WDR87: variants seen among roughly 807,000 people sequenced by gnomAD.
The protein encoded by WDR87 is WD repeat-containing protein 87.
In WDR87, 56 loss-of-function variants were observed where a neutral mutation model predicts 83.3. The ratio of observed to expected loss-of-function variants is 0.67; its 90% CI spans 0.54 to 0.84. The LOEUF (loss-of-function observed/expected upper bound fraction) is 0.84, where lower values mean the gene tolerates loss of function less well. WDR87 is among the 40% of genes least tolerant of loss of function. WDR87 has a pLI of 0.00. For synonymous variants in WDR87, 1,173 were observed against 1,250.6 expected, an observed-to-expected ratio of 0.94 and a Z score of 1.31; for missense variants, 2,939 against 3,431.9, an observed-to-expected ratio of 0.86 and a Z score of 3.59.
At position 37,890,085 on chromosome 19, in the gene WDR87, C is replaced by A. The variant is rs1362268741; in HGVS notation, c.3586G>T (p.Glu1196Ter). The change falls in exon 6 of 6, where the codon GAG becomes TAG. Residue 1196 changes from glutamate (E) to a stop codon, truncating the protein, a stop_gained. Coordinates refer to ENST00000447313, the MANE Select transcript of WDR87 (RefSeq NM_001291088.2). LOFTEE classifies it low-confidence loss of function (END_TRUNC). ...IKLSKDVDSQ[E>*]KDISKDHIAL... ...ATGTGATCCTTCGAGATATCTTTCT[C>A]TTGAGAATCAACATCTTTTGAGAGC... is the stretch of plus-strand genomic sequence containing the variant. 2.1e-5 allele frequency: 32 copies of A among 1,551,770 alleles called. No homozygotes were observed. The highest frequency in any genetic ancestry group is 2.8e-5 in the Non-Finnish European group (32 of 1,147,056).
intron 1 of WDR87, among the ~76,000 whole-genome samples, chr19:37,902,225 T>A: frequency 6.6e-6 from 1 of 151,732 alleles, no homozygotes; most frequent in East Asian, 1.9e-4. Flanking sequence ...TCCTTTTTTA[T>A]TTTTTTTGAG....
Position 37,888,018 on chromosome 19 carries a change from G to C in WDR87, c.5653C>G (p.Leu1885Val). 1 of 1,551,216 alleles carries C rather than the reference G, an allele frequency of 6.4e-7. No individual in the cohort carries two copies. Among genetic ancestry groups the C allele is most frequent in the Non-Finnish European group, 8.7e-7 (1 of 1,146,878 alleles). The change falls in exon 6 of 6, where the codon CTG (leucine) becomes GTG (valine). Residue 1885 changes from leucine to valine, a missense_variant. Physicochemically the swap from Leu to Val is conservative, Grantham distance 32. Coordinates refer to ENST00000447313, the MANE Select transcript of WDR87 (RefSeq NM_001291088.2). ...GCCAATTTTTCCTTCTCCTGGGCCA[G>C]ATTCTTCTTTTCCTGAGCCAGATTC... ...KKNLAQEKKNLAQEKEKLAQR... is the reference protein window; with the variant it reads ...KKNLAQEKKNVAQEKEKLAQR...
chr19:37,900,560 C>CAAAAAAAAAAAAAAAA (rs58946958), intron 1 of WDR87, among the ~76,000 whole-genome samples: 3 of 78,086 alleles, frequency 3.8e-5, no homozygotes, highest in East Asian at 4.2e-4. Context: ...GACTCCGTCT[C>CAAAAAAAAAAAAAAAA]AAAAAAAAAA....
chr19:37,893,712 G>T lies in WDR87; in HGVS notation c.1991C>A (p.Thr664Asn). The T allele has an allele frequency of 1.3e-6, 2 of 1,551,720 alleles. No individual in the cohort carries two copies. Among genetic ancestry groups the T allele is most frequent in the Non-Finnish European group, 1.7e-6 (2 of 1,147,056 alleles). Residue 664 changes from threonine (T) to asparagine (N), a missense_variant, in exon 4 of 6, where the codon ACT (threonine) becomes AAT (asparagine). Physicochemically the swap from Thr to Asn is moderately conservative, Grantham distance 65. Coordinates refer to ENST00000447313, the MANE Select transcript of WDR87 (RefSeq NM_001291088.2). ...CACTAGGTAAAGACTCTGGTTAAAA[G>T]TCACAAGCAGGTCACCCCGGTCATT... ...FANDRGDLLV[T>N]FNQSLYLVSC... is the part of the protein sequence containing the mutation.
Position 37,894,357 on chromosome 19 carries a change from AAG to A in WDR87, c.1344_1345del (p.Leu449ArgfsTer83). ...GTCCTGAGAATTTGGTGAGGTGCCTAAGAGATACTTGGCTGGGCAAGGGCAGC... is the reference window on the plus strand; with the variant it reads ...GTCCTGAGAATTTGGTGAGGTGCCTAAGATACTTGGCTGGGCAAGGGCAGC... On this transcript the variant is annotated frameshift_variant, in exon 4 of 6. Transcript: ENST00000447313. LOFTEE classifies it high-confidence loss of function. 1 of 1,551,752 alleles carries A rather than the reference AAG, an allele frequency of 6.4e-7. No homozygotes were observed. Among genetic ancestry groups the A allele is most frequent in the Non-Finnish European group, 8.7e-7 (1 of 1,147,010 alleles).
In WDR87 at chr19:37,893,335, G is replaced by A; in HGVS notation, c.2368C>T (p.Pro790Ser). Reference protein sequence around the residue: ...KRYQCHYVLPPQLQLTSWDGL... With the variant: ...KRYQCHYVLPSQLQLTSWDGL... Reference sequence around the variant, plus strand: ...TCCCAGCTAGTCAGTTGTAGCTGGGGAGGAAGCACATAATGGCATTGGTAA... The same window carrying A: ...TCCCAGCTAGTCAGTTGTAGCTGGGAAGGAAGCACATAATGGCATTGGTAA... The change falls in exon 4 of 6, where the codon CCC becomes TCC. Residue 790 changes from proline (P) to serine (S), a missense_variant. Physicochemically the swap from Pro to Ser is moderately conservative, Grantham distance 74. Transcript: ENST00000447313. The A allele has an allele frequency of 1.3e-6, 2 of 1,551,720 alleles. No homozygotes were observed. Among genetic ancestry groups the A allele is most frequent in the Non-Finnish European group, 1.7e-6 (2 of 1,146,900 alleles).
At position 37,890,246 on chromosome 19, in the gene WDR87, GTCT is replaced by G. The variant is rs1568451466; in HGVS notation, c.3422_3424del (p.Lys1141del). On this transcript the variant is annotated inframe_deletion, in exon 6 of 6. Transcript: ENST00000447313. ...CATCTGTTTAGAGTCTCTCTCTTTC[GTCT>G]TCTTGAGACCCCGCAACCATTTTTG... The G allele has an allele frequency of 1.3e-6, 2 of 1,539,654 alleles. No homozygotes were observed. Among genetic ancestry groups the G allele is most frequent in the Admixed American group, 4.0e-5 (2 of 49,482 alleles).
Position 37,886,682 on chromosome 19 carries a change from TTC to T in WDR87, c.6987_6988del (p.Lys2331GlyfsTer15). 7.0e-7 allele frequency: 1 copy of T among 1,421,872 alleles called. No individual in the cohort carries two copies. The highest frequency in any genetic ancestry group is 2.5e-5 in the East Asian group (1 of 39,784). 88.1% of individuals were successfully genotyped at this position (1,421,872 alleles called of 1,614,324 possible). A position where few individuals can be genotyped will look rare whatever the true frequency, so the allele number is the denominator to read the frequency against. On this transcript the variant is annotated frameshift_variant, in exon 6 of 6. Transcript: ENST00000447313. LOFTEE classifies it low-confidence loss of function (END_TRUNC). Reference sequence around the variant, plus strand: ...AACCTCCTCCTTCTTCTTTTCCTTTTTCTTCTTCTTCTTCTCCTCCTCTTCTT... The same window carrying T: ...AACCTCCTCCTTCTTCTTTTCCTTTTTTCTTCTTCTTCTCCTCCTCTTCTT...
intron 2 of WDR87, among the ~76,000 whole-genome samples, chr19:37,897,801 T>C (rs1328735015): frequency 6.6e-6 from 1 of 152,026 alleles, no homozygotes. Flanking sequence ...GGCAGGAGAA[T>C]TGCTTGAACC....
At chr19:37,902,174 T>C (rs369631829) in intron 1 of WDR87, among the ~76,000 whole-genome samples, 12 of 152,226 alleles carry the variant, frequency 7.9e-5, no homozygotes, top group African/African-American at 2.6e-4. Context: ...CTCCAGATGC[T>C]TTAATCCCAA....
chr19:37,888,189 C>A lies in WDR87; in HGVS notation c.5482G>T (p.Glu1828Ter). 1 of 1,552,020 alleles carries A rather than the reference C, an allele frequency of 6.4e-7. No individual in the cohort carries two copies. Among genetic ancestry groups the A allele is most frequent in the Non-Finnish European group, 8.7e-7 (1 of 1,147,084 alleles). ...QEKEKLAQHKEKMPEEEERLG... is the reference protein window; with the variant it reads ...QEKEKLAQHK ...CTTTCCTCTTCCTCAGGCATTTTTT[C>A]CTTGTGCTGGGCCAGTTTCTCCTTT... Residue 1828 changes from glutamate (E) to a stop codon, truncating the protein, a stop_gained, in exon 6 of 6, where the codon GAA (glutamate) becomes TAA (stop). Coordinates refer to ENST00000447313, the MANE Select transcript of WDR87 (RefSeq NM_001291088.2). LOFTEE classifies it low-confidence loss of function (END_TRUNC).
intron 1 of WDR87, among the ~76,000 whole-genome samples, chr19:37,903,510 A>G (rs1360851302): frequency 6.6e-6 from 1 of 152,162 alleles, no homozygotes; most frequent in East Asian, 1.9e-4. Flanking sequence ...GTAAAGTAGT[A>G]ACCAGGAGTT....
chr19:37,899,727 C>A (rs1568456714), intron 1 of WDR87, among the ~76,000 whole-genome samples: 1 of 152,176 alleles, frequency 6.6e-6, no homozygotes, highest in Non-Finnish European at 1.5e-5. Context: ...GGATTTCGGG[C>A]ATGAGCCACC....
chr19:37,905,082 A>C (rs2046315812), intron 1 of WDR87, among the ~76,000 whole-genome samples: 1 of 152,090 alleles, frequency 6.6e-6, no homozygotes, highest in African/African-American at 2.4e-5. Context: ...AAATACAAAA[A>C]TTAGCTGGGT....
chr19:37,887,274 C>A lies in WDR87; in HGVS notation c.6397G>T (p.Glu2133Ter). 1 of 1,551,414 alleles carries A rather than the reference C, an allele frequency of 6.4e-7. No individual in the cohort carries two copies. The highest frequency in any genetic ancestry group is 1.4e-5 in the African/African-American group (1 of 73,080). Residue 2133 changes from glutamate (E) to a stop codon, truncating the protein, a stop_gained, in exon 6 of 6, where the codon GAA becomes TAA. Transcript: ENST00000447313. LOFTEE classifies it low-confidence loss of function (END_TRUNC). Reference protein sequence around the residue: ...TRDERKLTQEEIKMTKMKRAL... With the variant: ...TRDERKLTQE ...CTCTTCATCTTTGTCATTTTTATTT[C>A]TTCCTGTGTTAGTTTCCTTTCATCC... is the stretch of plus-strand genomic sequence containing the variant.
Position 37,887,475 on chromosome 19 carries a change from C to A in WDR87, c.6196G>T (p.Glu2066Ter), listed in dbSNP as rs1301406590. 9.7e-6 allele frequency: 15 copies of A among 1,551,722 alleles called. No homozygotes were observed. Among genetic ancestry groups the A allele is most frequent in the Non-Finnish European group, 1.3e-5 (15 of 1,147,010 alleles). ...LLHEDRILAM[E>*]ESEIAKGKLE... Reference sequence around the variant, plus strand: ...TTTCCTTTGGCAATTTCGCTTTCCTCCATGGCCAATATCCTGTCTTCATGT... The same window carrying A: ...TTTCCTTTGGCAATTTCGCTTTCCTACATGGCCAATATCCTGTCTTCATGT... The change falls in exon 6 of 6, where the codon GAG becomes TAG. Residue 2066 changes from glutamate (E) to a stop codon, truncating the protein, a stop_gained. Coordinates refer to ENST00000447313, the MANE Select transcript of WDR87 (RefSeq NM_001291088.2). LOFTEE classifies it low-confidence loss of function (END_TRUNC).
Position 37,895,357 on chromosome 19 carries a change from C to T in WDR87, c.346G>A (p.Gly116Ser). ...TAGACCACGAGGATATGAAAGGAGCCTGCATGGACCATGGACTGGATGGGT... is the reference window on the plus strand; with the variant it reads ...TAGACCACGAGGATATGAAAGGAGCTTGCATGGACCATGGACTGGATGGGT... ...LPPIQSMVHA[G>S]SFHILVVYCG... is the part of the protein sequence containing the mutation. Residue 116 changes from glycine to serine, a missense_variant, in exon 4 of 6, where the codon GGC (glycine) becomes AGC (serine). Transcript: ENST00000447313. 1 of 1,551,762 alleles carries T rather than the reference C, an allele frequency of 6.4e-7. No homozygotes were observed. The highest frequency in any genetic ancestry group is 8.7e-7 in the Non-Finnish European group (1 of 1,147,010).
chr19:37,904,198 G>A lies in WDR87; in HGVS notation c.-47+2301C>T, dbSNP rs566893870. 8.3e-4 allele frequency among the ~76,000 whole-genome samples: 127 copies of A among 152,120 alleles called. 1 individual carries two copies. The highest frequency in any genetic ancestry group is 1.2e-3 in the Non-Finnish European group (79 of 68,010). ...ATTACAGGCATGAGCCACTGCGCCC[G>A]GCCATTAAACAACTTTTAAAAACGG... On this transcript the variant is annotated intron_variant, in intron 1 of 5. Transcript: ENST00000447313.
At position 37,888,984 on chromosome 19, in the gene WDR87, C is replaced by G. The variant is rs2046178076; in HGVS notation, c.4687G>C (p.Val1563Leu). 1 of 1,552,064 alleles carries G rather than the reference C, an allele frequency of 6.4e-7. No individual in the cohort carries two copies. ...KKLKWEEWKQ[V>L]WENMLSSKSK... The stretch of plus-strand genomic sequence containing the variant: ...TTAGATGATAACATATTTTCCCAGA[C>G]TTGTTTCCACTCCTCCCATTTCAGC... Residue 1563 changes from valine to leucine, a missense_variant, in exon 6 of 6, where the codon GTC (valine) becomes CTC (leucine). Transcript: ENST00000447313.
Sources: gnomAD v4.1 joint callset for allele counts (sites outside exome capture counted in the v4.1 genomes callset) on GRCh38, gnomAD v4.1.1 for gene constraint, MANE v1.5 for transcripts, NCBI Gene and HGNC (gene_info 2026-07-23, HGNC 2026-07-21) for gene names.